ULK4: variants seen among roughly 807,000 people sequenced by gnomAD.
The protein encoded by ULK4 is unc-51 like kinase 4.
ULK4 carries 133 observed loss-of-function variants against 160.6 expected under a neutral mutation model. The ratio of observed to expected loss-of-function variants is 0.83; its 90% CI spans 0.72 to 0.96. ULK4 has a LOEUF of 0.96. Ranked by LOEUF, ULK4 falls within the 40% of genes least tolerant of loss-of-function variation. The probability of loss-of-function intolerance (pLI) is 0.00; values close to 1 mark genes in which losing one functional copy is unlikely to be tolerated. For synonymous variants in ULK4, 534 were observed against 539.8 expected (o/e 0.99, Z 0.15); for missense variants, 1,580 against 1,499.5 (o/e 1.05, Z -0.89).
chr3:41,577,921 G>A (rs1331459658), intron 31 of ULK4, among the ~76,000 whole-genome samples: 1 of 152,198 alleles, frequency 6.6e-6, no homozygotes, highest in Non-Finnish European at 1.5e-5. Context: ...CCACACTGGA[G>A]TAACACTGTA....
chr3:41,342,927 T>C (rs1291844176), intron 35 of ULK4, among the ~76,000 whole-genome samples: 4 of 152,266 alleles, frequency 2.6e-5, no homozygotes, highest in Middle Eastern at 6.8e-3. Context: ...AAAAACCACA[T>C]GATTATCTTA....
chr3:41,248,033 A>G (rs1575349715), intron 36 of ULK4, among the ~76,000 whole-genome samples: 1 of 152,228 alleles, frequency 6.6e-6, no homozygotes, highest in East Asian at 1.9e-4. Context: ...CACCAGCCTC[A>G]TGGACCACTG....
chr3:41,440,509 C>T (rs2083139993), intron 34 of ULK4, among the ~76,000 whole-genome samples: 1 of 152,004 alleles, frequency 6.6e-6, no homozygotes. Context: ...GGATAAATCC[C>T]TCTTGGCCAT....
intron 35 of ULK4, among the ~76,000 whole-genome samples, chr3:41,323,307 T>C (rs1372658509): frequency 6.6e-6 from 1 of 150,940 alleles, no homozygotes; most frequent in East Asian, 2.0e-4. Flanking sequence ...ATATATTAAA[T>C]TCATTAGAGT....
chr3:41,492,837 TTA>T (rs1422216891), intron 32 of ULK4, among the ~76,000 whole-genome samples: 1 of 140,606 alleles, frequency 7.1e-6, no homozygotes. Flanking sequence ...AAGAAGGCCA[TTA>T]CATAATGGTA....
At chr3:41,385,975 C>T (rs999322536) in intron 35 of ULK4, among the ~76,000 whole-genome samples, 2 of 152,118 alleles carry the variant, frequency 1.3e-5, no homozygotes, top group African/African-American at 4.8e-5. Flanking sequence ...TTTTCCAAAT[C>T]GCAAGCCTGG....
At chr3:41,294,226 G>A (rs1216406141) in intron 35 of ULK4, among the ~76,000 whole-genome samples, 1 of 152,128 alleles carries the variant, frequency 6.6e-6, no homozygotes, top group African/African-American at 2.4e-5. Context: ...GCAGGAGTGG[G>A]TTTGCTCTCT....
At chr3:41,512,210 G>A (rs906107277) in intron 32 of ULK4, among the ~76,000 whole-genome samples, 42 of 152,264 alleles carry the variant, frequency 2.8e-4, no homozygotes, top group African/African-American at 9.9e-4. Context: ...TTCCCCCTGA[G>A]AACTGGAACA....
intron 35 of ULK4, among the ~76,000 whole-genome samples, chr3:41,267,725 A>G (rs1465219746): frequency 2.0e-5 from 3 of 152,178 alleles, no homozygotes; most frequent in African/African-American, 7.2e-5. Flanking sequence ...AGTCCTTAAC[A>G]TGCACTCCTC....
At chr3:41,608,228 T>C (rs1279329791) in intron 31 of ULK4, among the ~76,000 whole-genome samples, 1 of 152,192 alleles carries the variant, frequency 6.6e-6, no homozygotes, top group Non-Finnish European at 1.5e-5. Flanking sequence ...TACATCAGAT[T>C]TCCTGGCTCA....
chr3:41,772,156 G>T (rs1242602348), intron 21 of ULK4, among the ~76,000 whole-genome samples: 1 of 152,144 alleles, frequency 6.6e-6, no homozygotes, highest in Admixed American at 6.5e-5. Flanking sequence ...ACAATTAAAA[G>T]AACTAGAGAA....
intron 17 of ULK4, among the ~76,000 whole-genome samples, chr3:41,851,849 GA>G (rs1458475977): frequency 6.6e-6 from 1 of 152,010 alleles, no homozygotes; most frequent in East Asian, 1.9e-4. Flanking sequence ...AGAGAAGCAA[GA>G]GCAAACACAT....
intron 33 of ULK4, 96 bp from the exon 34 acceptor site, chr3:41,455,691 T>C (rs1312565890): frequency 2.9e-6 from 3 of 1,026,076 alleles, no homozygotes; most frequent in East Asian, 4.9e-5. Context: ...CACAAGGGGC[T>C]GAGGAAGCAT....
At chr3:41,396,637 A>G (rs1207408424) in intron 35 of ULK4, among the ~76,000 whole-genome samples, 1 of 152,188 alleles carries the variant, frequency 6.6e-6, no homozygotes, top group African/African-American at 2.4e-5. Context: ...TGTTAAAGAC[A>G]CAACAACTGA....
intron 21 of ULK4, among the ~76,000 whole-genome samples, chr3:41,784,991 C>G (rs540040034): frequency 6.6e-6 from 1 of 152,292 alleles, no homozygotes; most frequent in Admixed American, 6.5e-5. Context: ...CAGCATGTGG[C>G]TTAAACGACT....
Position 41,869,137 on chromosome 3 carries a change from A to G in ULK4, c.1656+14737T>C, listed in dbSNP as rs1419139743. 1.3e-4 allele frequency: 19 copies of G among 151,632 alleles called. 1 individual carries two copies. Among genetic ancestry groups the G allele is most frequent in the African/African-American group, 4.6e-4 (19 of 41,288 alleles). The allele number at this position is 151,632 out of a possible 1,614,324, so 9.4% of individuals were successfully genotyped here. On this transcript the variant is annotated intron_variant, in intron 17 of 36. Coordinates refer to ENST00000301831, the MANE Select transcript of ULK4 (RefSeq NM_017886.4). ...CTCTTCTATTCACTATTTAGTAATT[A>G]CTCTTGTTTTTCAGGGTTTTTTTTT...
At chr3:41,377,011 TG>T (rs1343273122) in intron 35 of ULK4, among the ~76,000 whole-genome samples, 1 of 151,412 alleles carries the variant, frequency 6.6e-6, no homozygotes, top group African/African-American at 2.4e-5. Flanking sequence ...AGCATGGTAC[TG>T]GTACCAAAAC....
At chr3:41,918,335 G>A (rs1699044268) in intron 7 of ULK4, 122 bp downstream of exon 7, 2 of 579,572 alleles carry the variant, frequency 3.5e-6, no homozygotes, top group Admixed American at 7.6e-5. Flanking sequence ...ATATCAACTT[G>A]GGATCATTTA....
At chr3:41,926,748 C>G (rs1419194516) in intron 5 of ULK4, among the ~76,000 whole-genome samples, 2 of 149,438 alleles carry the variant, frequency 1.3e-5, no homozygotes, top group African/African-American at 2.6e-5. Flanking sequence ...GAAAGGATAT[C>G]AGAAACTGAA....
Sources: gnomAD v4.1 joint callset for allele counts (sites outside exome capture counted in the v4.1 genomes callset) on GRCh38, gnomAD v4.1.1 for gene constraint, MANE v1.5 for transcripts, NCBI Gene and HGNC (gene_info 2026-07-23, HGNC 2026-07-21) for gene names.